RASGRP1: variants seen among roughly 807,000 people sequenced by gnomAD.
RASGRP1 encodes the protein RAS guanyl-releasing protein 1.
RASGRP1 carries 37 observed loss-of-function variants against 95.1 expected under a neutral mutation model. That is an observed-to-expected ratio of 0.39 (90% confidence interval 0.30 to 0.51). The LOEUF is 0.51. Ranked by LOEUF, RASGRP1 falls within the 20% of genes least tolerant of loss-of-function variation. The pLI is 0.80. For missense variants in RASGRP1, 711 were observed against 965.4 expected, an observed-to-expected ratio of 0.74 and a Z score of 3.49; for synonymous variants, 325 against 353.4, an observed-to-expected ratio of 0.92 and a Z score of 0.90.
rs147883121 is a variant in RASGRP1 at position 38,559,020 on chromosome 15, G to A, written c.220+801C>T. On this transcript the variant is annotated intron_variant, in intron 2 of 16. Transcript: ENST00000310803. ...GGGAGATGGAGGGATACAAAAAGGGGTCCACAGGAGGAACAGGAAGCTGGA... is the reference window on the plus strand; with the variant it reads ...GGGAGATGGAGGGATACAAAAAGGGATCCACAGGAGGAACAGGAAGCTGGA... Among the ~76,000 whole-genome samples the A allele has an allele frequency of 1.8e-4, 28 of 152,230 alleles. No individual in the cohort carries two copies. The East Asian group carries it at 5.2e-3, about 28-fold the overall frequency.
At chr15:38,528,701 T>G (rs1440146202) in intron 2 of RASGRP1, among the ~76,000 whole-genome samples, 2 of 152,208 alleles carry the variant, frequency 1.3e-5, no homozygotes, top group Non-Finnish European at 2.9e-5. Flanking sequence ...AATTTAAAAC[T>G]TCTTAAATTT....
At chr15:38,544,719 A>C (rs970290325) in intron 2 of RASGRP1, among the ~76,000 whole-genome samples, 1 of 152,264 alleles carries the variant, frequency 6.6e-6, no homozygotes, top group Non-Finnish European at 1.5e-5. Flanking sequence ...ATTCTGTTGC[A>C]GCAGCAGAAA....
At chr15:38,546,500 A>G (rs185654859) in intron 2 of RASGRP1, among the ~76,000 whole-genome samples, 12 of 152,300 alleles carry the variant, frequency 7.9e-5, no homozygotes, top group African/African-American at 2.9e-4. Context: ...AAGTGCTGGG[A>G]TTACAGGCGT....
At chr15:38,550,187 T>G (rs1299453376) in intron 2 of RASGRP1, among the ~76,000 whole-genome samples, 1 of 147,726 alleles carries the variant, frequency 6.8e-6, no homozygotes, top group Non-Finnish European at 1.5e-5. Flanking sequence ...GAGGTGGAGG[T>G]TGCAGTGAGC....
At chr15:38,562,115 T>C (rs1893832401) in intron 1 of RASGRP1, among the ~76,000 whole-genome samples, 1 of 152,194 alleles carries the variant, frequency 6.6e-6, no homozygotes, top group South Asian at 2.1e-4. Flanking sequence ...TTAATAAATA[T>C]TGACTGTGCC....
intron 2 of RASGRP1, among the ~76,000 whole-genome samples, chr15:38,550,678 T>A (rs1388184069): frequency 1.3e-5 from 2 of 152,166 alleles, no homozygotes; most frequent in Admixed American, 1.3e-4. Context: ...ATCAAAATTG[T>A]TTAAGATATA....
Position 38,557,257 on chromosome 15 carries a change from C to G in RASGRP1, c.220+2564G>C, listed in dbSNP as rs139064454. On this transcript the variant is annotated intron_variant, in intron 2 of 16. Coordinates refer to ENST00000310803, the MANE Select transcript of RASGRP1 (RefSeq NM_005739.4). ...TTCCTCTGTAGCCCAATTTCCATGT[C>G]CCAGCCCCATAGATGGGTCAACTGA... Among the ~76,000 whole-genome samples, 268 of 152,312 alleles carry G rather than the reference C, an allele frequency of 1.8e-3. 8 individuals are homozygous for G. The highest frequency in any genetic ancestry group is 0.014 in the Admixed American group (210 of 15,292).
At chr15:38,526,737 G>T (rs114705052) in intron 2 of RASGRP1, among the ~76,000 whole-genome samples, 1 of 152,096 alleles carries the variant, frequency 6.6e-6, no homozygotes, top group Non-Finnish European at 1.5e-5. Context: ...TAACTGGTTG[G>T]GGGGTGGGCA....
chr15:38,507,206 C>G (rs770866947), intron 9 of RASGRP1, among the ~76,000 whole-genome samples: 2 of 152,216 alleles, frequency 1.3e-5, no homozygotes, highest in Non-Finnish European at 2.9e-5. Context: ...CATCTGATCT[C>G]ACCCCATATG....
chr15:38,563,061 A>T (rs1366466602), intron 1 of RASGRP1, among the ~76,000 whole-genome samples: 2 of 152,220 alleles, frequency 1.3e-5, no homozygotes, highest in Non-Finnish European at 2.9e-5. Context: ...GTGCAGCCTC[A>T]GAGTTCTAAG....
chr15:38,508,522 G>C (rs1891358556), intron 8 of RASGRP1, among the ~76,000 whole-genome samples: 1 of 152,164 alleles, frequency 6.6e-6, no homozygotes, highest in African/African-American at 2.4e-5. Flanking sequence ...AGTCTATTGT[G>C]TGTTATTCTC....
Position 38,501,253 on chromosome 15 carries a change from AG to A in RASGRP1, c.1572del (p.Tyr525ThrfsTer3). On this transcript the variant is annotated frameshift_variant, in exon 13 of 17. Transcript: ENST00000310803. LOFTEE classifies it high-confidence loss of function. ...TAGATTGAGCTGGCTCTCATGAAGT[AG>A]GCTGTGATCTCATCCCTGCTGATGA... ...EGLISRDEIT[A>X]YFMRASSIYS... is the part of the protein sequence containing the mutation. 6.2e-7 allele frequency: 1 copy of A among 1,613,034 alleles called. No individual in the cohort carries two copies. The highest frequency in any genetic ancestry group is 8.5e-7 in the Non-Finnish European group (1 of 1,179,284).
intron 2 of RASGRP1, among the ~76,000 whole-genome samples, chr15:38,548,134 C>T (rs1893177939): frequency 6.6e-6 from 1 of 152,112 alleles, no homozygotes; most frequent in Non-Finnish European, 1.5e-5. Context: ...ATTTTCCTCT[C>T]CCTTCTTTAA....
At chr15:38,524,966 C>CTTT (rs1209374484) in intron 3 of RASGRP1, among the ~76,000 whole-genome samples, 2 of 120,342 alleles carry the variant, frequency 1.7e-5, no homozygotes, top group African/African-American at 6.5e-5. Context: ...GTACAATTTT[C>CTTT]TTTCTTTTTT....
rs1294234514 is a variant in RASGRP1 at position 38,490,653 on chromosome 15, T to C, written c.2295A>G (p.Leu765=). The C allele has an allele frequency of 6.2e-6, 10 of 1,612,924 alleles. No homozygotes were observed. The highest frequency in any genetic ancestry group is 1.3e-5 in the African/African-American group (1 of 74,926). ...TCTGTGCATATTTCAGTTGGATCTT[T>C]AGGGCATCATTATCTGCTTTCAGAG... The part of the protein sequence containing the change: ...INTLKADNDA[L]KIQLKYAQKK... Residue 765 remains leucine, a synonymous_variant, in exon 17 of 17, where the codon CTA becomes CTG. Transcript: ENST00000310803.
Position 38,515,908 on chromosome 15 carries a change from A to AGT in RASGRP1, c.675+288_675+289insAC, listed in dbSNP as rs762200050. On this transcript the variant is annotated intron_variant, in intron 6 of 16. Transcript: ENST00000310803. The stretch of plus-strand genomic sequence containing the variant: ...GAGACAGAGAGAGAGAGAGAGAGAG[A>AGT]GAGTGTGTGTGTGTGTGTGTGATGT... Among the ~76,000 whole-genome samples the AGT allele has an allele frequency of 2.0e-3, 234 of 116,320 alleles. 3 individuals are homozygous for AGT. The highest frequency in any genetic ancestry group is 6.0e-3 in the African/African-American group (204 of 33,794). 76.3% of individuals were successfully genotyped at this position (116,320 alleles called of 152,430 possible).
intron 2 of RASGRP1, among the ~76,000 whole-genome samples, chr15:38,527,022 T>C (rs1317175462): frequency 3.9e-5 from 6 of 152,254 alleles, no homozygotes; most frequent in Admixed American, 2.6e-4. Flanking sequence ...GTACTCATGA[T>C]GATTTGTATT....
rs542758692 is a variant in RASGRP1, at chr15:38,490,000, C to T, written c.*554G>A. The T allele has an allele frequency of 1.3e-5, 2 of 152,406 alleles. No individual in the cohort carries two copies. Among genetic ancestry groups the T allele is most frequent in the Admixed American group, 1.3e-4 (2 of 15,262 alleles). The allele number at this position is 152,406 out of a possible 1,614,324, so 9.4% of individuals were successfully genotyped here. ...AAATTGGCTTCTAGGTAGATATGCT[C>T]ATGTGTTATGACTGTAGTGAGGAAG... On this transcript the variant is annotated 3_prime_UTR_variant, in exon 17 of 17. Coordinates refer to ENST00000310803, the MANE Select transcript of RASGRP1 (RefSeq NM_005739.4).
intron 15 of RASGRP1, among the ~76,000 whole-genome samples, chr15:38,496,317 C>T (rs917460326): frequency 1.3e-5 from 2 of 152,068 alleles, no homozygotes; most frequent in African/African-American, 4.8e-5. Context: ...TATGTTTATC[C>T]TACCTATTGG....
Sources: allele counts gnomAD v4.1 joint callset (sites outside exome capture counted in the v4.1 genomes callset), GRCh38; gene constraint gnomAD v4.1.1; transcripts MANE v1.5; gene names NCBI Gene and HGNC (gene_info 2026-07-23, HGNC 2026-07-21).